The following PDE7B variants were observed in gnomAD, a reference collection of about 807,000 sequenced individuals.
The protein encoded by PDE7B is 3',5'-cyclic-AMP phosphodiesterase 7B.
A neutral mutation model predicts 56.2 loss-of-function variants in PDE7B; 29 were observed. The ratio of observed to expected loss-of-function variants is 0.52; its 90% CI spans 0.38 to 0.70. The LOEUF (loss-of-function observed/expected upper bound fraction) is 0.70, where lower values mean the gene tolerates loss of function less well. Among genes scored for constraint, PDE7B ranks in the 30% least tolerant of loss-of-function variants. The probability of loss-of-function intolerance (pLI) is 0.00; values close to 1 mark genes in which losing one functional copy is unlikely to be tolerated. For missense variants in PDE7B, 490 were observed against 565.0 expected (o/e 0.87, Z 1.35); for synonymous variants, 197 against 196.9 (o/e 1.00, Z 0.00).
chr6:135,998,924 G>A (rs1303080688), intron 2 of PDE7B, among the ~76,000 whole-genome samples: 1 of 151,914 alleles, frequency 6.6e-6, no homozygotes, highest in Non-Finnish European at 1.5e-5. Flanking sequence ...AAGCAATATG[G>A]CTCTCAAATT....
intron 1 of PDE7B, among the ~76,000 whole-genome samples, chr6:135,945,373 A>G (rs112870545): frequency 0.013 from 2,027 of 152,238 alleles, 33 homozygotes; most frequent in Middle Eastern, 0.041. Flanking sequence ...TGAGAACTCA[A>G]TGCTCTTTTG....
At chr6:135,986,333 C>T (rs1391103764) in intron 2 of PDE7B, among the ~76,000 whole-genome samples, 6 of 152,164 alleles carry the variant, frequency 3.9e-5, no homozygotes, top group Non-Finnish European at 7.4e-5. Context: ...AATGCTCTTT[C>T]TGTACATTGC....
intron 2 of PDE7B, among the ~76,000 whole-genome samples, chr6:136,036,017 A>G (rs1327948556): frequency 2.0e-5 from 3 of 152,228 alleles, no homozygotes; most frequent in African/African-American, 7.2e-5. Flanking sequence ...GAAACTCTTC[A>G]GTTGTTATGT....
At chr6:136,190,662 T>G (rs1187310274) in intron 12 of PDE7B, among the ~76,000 whole-genome samples, 1 of 152,158 alleles carries the variant, frequency 6.6e-6, no homozygotes, top group Non-Finnish European at 1.5e-5. Context: ...TCATGTTTAT[T>G]ATGAAAAGCA....
chr6:136,110,712 A>ATT (rs10708902), intron 3 of PDE7B, among the ~76,000 whole-genome samples: 2,259 of 126,756 alleles, frequency 0.018, 66 homozygotes, highest in African/African-American at 0.06. Context: ...ATTCTGCAAC[A>ATT]TTTTTTTTTT....
intron 2 of PDE7B, among the ~76,000 whole-genome samples, chr6:136,056,554 A>G (rs1362964507): frequency 6.2e-5 from 4 of 64,126 alleles, no homozygotes; most frequent in African/African-American, 3.5e-4. Flanking sequence ...TTTTTTGACA[A>G]GAGTTTTGCC....
In PDE7B at chr6:135,906,827, T is replaced by TTTTTTTTTTTTG. The variant is rs1554265693; in HGVS notation, c.22-40628_22-40627insTTGTTTTTTTTT. On this transcript the variant is annotated intron_variant, in intron 1 of 12. Coordinates refer to ENST00000308191, the MANE Select transcript of PDE7B (RefSeq NM_018945.4). ...TGAGGTTTGTTTTTTTTTTTTTTTT[T>TTTTTTTTTTTTG]TTTTTTTTTAATCCTCTAGGCTTTT... Among the ~76,000 whole-genome samples, 4 of 133,454 alleles carry TTTTTTTTTTTTG rather than the reference T, an allele frequency of 3.0e-5. 1 individual carries two copies. Among genetic ancestry groups the TTTTTTTTTTTTG allele is most frequent in the Non-Finnish European group, 6.5e-5 (4 of 61,246 alleles). 87.6% of individuals were successfully genotyped at this position (133,454 alleles called of 152,430 possible).
Position 136,193,700 on chromosome 6 carries a change from A to T in PDE7B, c.*1860A>T, listed in dbSNP as rs1391178480. On this transcript the variant is annotated 3_prime_UTR_variant, in exon 13 of 13. Transcript: ENST00000308191. ...TCATGCTGATAGAATGACAGCTAGC[A>T]CTTATTTCCTAAGTGCAACTGTTTT... 1 of 152,218 alleles carries T rather than the reference A, an allele frequency of 6.6e-6. No individual in the cohort carries two copies. The highest frequency in any genetic ancestry group is 1.5e-5 in the Non-Finnish European group (1 of 68,048). 9.4% of individuals were successfully genotyped at this position (152,218 alleles called of 1,614,324 possible).
At chr6:135,915,415 A>G (rs1486351158) in intron 1 of PDE7B, among the ~76,000 whole-genome samples, 1 of 152,210 alleles carries the variant, frequency 6.6e-6, no homozygotes, top group Non-Finnish European at 1.5e-5. Context: ...AACATATGAC[A>G]CTTCCAGATA....
At chr6:136,023,297 G>A (rs768034646) in intron 2 of PDE7B, among the ~76,000 whole-genome samples, 3 of 152,146 alleles carry the variant, frequency 2.0e-5, no homozygotes, top group Non-Finnish European at 2.9e-5. Context: ...ATCCCAGGAC[G>A]AGCAGGACAT....
intron 2 of PDE7B, among the ~76,000 whole-genome samples, chr6:135,992,897 C>T (rs1421272217): frequency 6.6e-6 from 1 of 152,210 alleles, no homozygotes; most frequent in Non-Finnish European, 1.5e-5. Context: ...TCATGTGCCC[C>T]TCCCAACAGC....
chr6:136,059,786 G>A (rs1776805153), intron 2 of PDE7B, among the ~76,000 whole-genome samples: 1 of 152,060 alleles, frequency 6.6e-6, no homozygotes, highest in Non-Finnish European at 1.5e-5. Flanking sequence ...TGAAATAAAT[G>A]GATTGCTTCC....
chr6:135,855,080 G>A (rs1431685494), intron 1 of PDE7B, among the ~76,000 whole-genome samples: 2 of 152,132 alleles, frequency 1.3e-5, no homozygotes, highest in Non-Finnish European at 2.9e-5. Flanking sequence ...TAATGAGCTG[G>A]GTGACTCTGA....
intron 1 of PDE7B, among the ~76,000 whole-genome samples, chr6:135,900,597 G>A (rs553370259): frequency 8.7e-5 from 13 of 150,216 alleles, no homozygotes; most frequent in African/African-American, 2.2e-4. Flanking sequence ...TTTCTTTCAC[G>A]TCTTTCTGCT....
At chr6:136,115,123 TTACAGTAGCATAAGCTACTG>T (rs1193480726) in intron 3 of PDE7B, among the ~76,000 whole-genome samples, 1 of 152,198 alleles carries the variant, frequency 6.6e-6, no homozygotes, top group Non-Finnish European at 1.5e-5. Flanking sequence ...CTTGAGGGAT[TTACAGTAGCATAAGCTACTG>T]TATCTACAAT....
At chr6:136,091,890 TAC>T (rs1172718115) in intron 2 of PDE7B, among the ~76,000 whole-genome samples, 5 of 152,152 alleles carry the variant, frequency 3.3e-5, no homozygotes, top group African/African-American at 9.7e-5. Context: ...TAAAAAGCAA[TAC>T]AGAGTATCAA....
chr6:135,897,011 T>A (rs1214465188), intron 1 of PDE7B, among the ~76,000 whole-genome samples: 2 of 152,146 alleles, frequency 1.3e-5, no homozygotes, highest in Non-Finnish European at 2.9e-5. Context: ...CAAGAAAGAC[T>A]CTCTGATACC....
intron 2 of PDE7B, among the ~76,000 whole-genome samples, chr6:135,966,112 T>G (rs1334462741): frequency 6.6e-6 from 1 of 152,160 alleles, no homozygotes; most frequent in African/African-American, 2.4e-5. Context: ...GTAATTAATG[T>G]TCATCTAACA....
At chr6:135,966,536 C>T (rs919828479) in intron 2 of PDE7B, among the ~76,000 whole-genome samples, 18 of 152,208 alleles carry the variant, frequency 1.2e-4, no homozygotes, top group African/African-American at 3.6e-4. Flanking sequence ...ATTAGTGGTG[C>T]CATTGACCTA....
Sources: allele counts gnomAD v4.1 joint callset (sites outside exome capture counted in the v4.1 genomes callset), GRCh38; gene constraint gnomAD v4.1.1; transcripts MANE v1.5; gene names NCBI Gene and HGNC (gene_info 2026-07-23, HGNC 2026-07-21).